NUP88: variants seen among roughly 807,000 people sequenced by gnomAD.
NUP88 encodes the protein nuclear pore complex protein Nup88.
In NUP88, 57 loss-of-function variants were observed where a neutral mutation model predicts 93.9. The ratio of observed to expected loss-of-function variants is 0.61; its 90% CI spans 0.49 to 0.76. The LOEUF is 0.76. Ranked by LOEUF, NUP88 falls within the 30% of genes least tolerant of loss-of-function variation. NUP88 has a pLI of 0.00. For missense variants in NUP88, 911 were observed against 901.0 expected (o/e 1.01, Z -0.14); for synonymous variants, 346 against 336.8 (o/e 1.03, Z -0.30).
rs1597310115 is a variant in NUP88 at position 5,386,200 on chromosome 17, G to A, written c.*6C>T. On this transcript the variant is annotated 3_prime_UTR_variant, in exon 17 of 17. Coordinates refer to ENST00000573584, the MANE Select transcript of NUP88 (RefSeq NM_002532.6). ...CAGTTCAGGTGTGAGTCAGCTCCTG[G>A]TGGTGTCAGAAGTTTACATGATTGC... The A allele has an allele frequency of 1.2e-6, 2 of 1,611,032 alleles. No individual in the cohort carries two copies. Among genetic ancestry groups the A allele is most frequent in the African/African-American group, 2.7e-5 (2 of 74,958 alleles).
intron 6 of NUP88, among the ~76,000 whole-genome samples, chr17:5,404,486 T>C (rs1358007421): frequency 1.3e-5 from 2 of 151,980 alleles, no homozygotes; most frequent in Non-Finnish European, 2.9e-5. Flanking sequence ...TGGTGGTGGG[T>C]GCCTGTAATC....
chr17:5,400,140 T>TAAAAAAAAAAAA (rs1280995996), intron 7 of NUP88, among the ~76,000 whole-genome samples: 5 of 120,668 alleles, frequency 4.1e-5, no homozygotes, highest in South Asian at 2.8e-4. Context: ...TTTCATTTGT[T>TAAAAAAAAAAAA]AAAAAAAAAA....
chr17:5,384,922 A>T lies in NUP88; in HGVS notation c.*1284T>A, dbSNP rs932514624. The stretch of plus-strand genomic sequence containing the variant: ...TAGTCCCTTGGATAAGCCCCAAGCG[A>T]ATTTGTCTTCAGATTATTAAAATTA... On this transcript the variant is annotated 3_prime_UTR_variant, in exon 17 of 17. Transcript: ENST00000573584. The T allele has an allele frequency of 1.8e-5, 4 of 224,998 alleles. No homozygotes were observed. The highest frequency in any genetic ancestry group is 2.2e-5 in the African/African-American group (1 of 44,942). 13.9% of individuals were successfully genotyped at this position (224,998 alleles called of 1,614,324 possible).
chr17:5,401,974 A>C (rs1913196669), intron 7 of NUP88, among the ~76,000 whole-genome samples: 3 of 152,224 alleles, frequency 2.0e-5, no homozygotes, highest in African/African-American at 7.2e-5. Context: ...ATTAGGAACA[A>C]GTCAAAAATT....
chr17:5,408,674 GA>G (rs910185903), intron 5 of NUP88, 58 bp downstream of exon 5: 1 of 1,299,268 alleles, frequency 7.7e-7, no homozygotes, highest in African/African-American at 1.5e-5. Context: ...CAGCCTCAAT[GA>G]TATCTACTGG....
At chr17:5,416,809 A>C in intron 1 of NUP88, 127 bp from the exon 2 acceptor site, 2 of 713,508 alleles carry the variant, frequency 2.8e-6, no homozygotes, top group Non-Finnish European at 2.2e-6. Flanking sequence ...ATAAGTACTC[A>C]CACTTGTACC....
chr17:5,389,428 G>A (rs1385820535), intron 10 of NUP88, among the ~76,000 whole-genome samples: 1 of 152,178 alleles, frequency 6.6e-6, no homozygotes, highest in Non-Finnish European at 1.5e-5. Flanking sequence ...GAGCTTAAAA[G>A]ATCTCACAGA....
chr17:5,388,590 G>A, intron 11 of NUP88: 2 of 472,252 alleles, frequency 4.2e-6, no homozygotes, highest in Middle Eastern at 5.9e-4. Flanking sequence ...GCCCGGCCTA[G>A]CCTAACTTCT....
chr17:5,396,453 A>G (rs776191484), intron 8 of NUP88, among the ~76,000 whole-genome samples: 11 of 152,224 alleles, frequency 7.2e-5, no homozygotes, highest in Non-Finnish European at 1.3e-4. Context: ...ATATTGGAGC[A>G]TGTATCAGTA....
chr17:5,387,902 G>A lies in NUP88; in HGVS notation c.1646C>T (p.Ala549Val), dbSNP rs760426774. ...RSVANPAFLK[A>V]SEKDIAPPPE... The stretch of plus-strand genomic sequence containing the variant: ...AGGAGGGGCTATGTCCTTTTCAGAA[G>A]CTCTTAAAAACAAAGTTTCTACCTT... Residue 549 changes from alanine (A) to valine (V), a missense_variant and splice_region_variant, in exon 12 of 17, where the codon GCT becomes GTT. Physicochemically the swap from Ala to Val is moderately conservative, Grantham distance 64 (BLOSUM62 0). Transcript: ENST00000573584. The A allele has an allele frequency of 3.7e-6, 6 of 1,612,078 alleles. No homozygotes were observed. The South Asian group carries it at 5.5e-5, about 15-fold the overall frequency.
At chr17:5,398,324 C>G (rs1056786382) in intron 8 of NUP88, among the ~76,000 whole-genome samples, 2 of 152,186 alleles carry the variant, frequency 1.3e-5, no homozygotes, top group African/African-American at 2.4e-5. Context: ...GAGTCTTGCT[C>G]TGTCACCCAG....
In NUP88 at chr17:5,414,018, T is replaced by C. The variant is rs757774752; in HGVS notation, c.584A>G (p.Asn195Ser). The C allele has an allele frequency of 4.3e-6, 7 of 1,613,552 alleles. No individual in the cohort carries two copies. The highest frequency in any genetic ancestry group is 3.3e-5 in the South Asian group (3 of 91,068). The change falls in exon 3 of 17, where the codon AAC (asparagine) becomes AGC (serine). Residue 195 changes from asparagine (N) to serine (S), a missense_variant. Asn to Ser is a conservative substitution (Grantham distance 46). Transcript: ENST00000573584. The part of the protein sequence containing the change: ...DPHVVLLTSD[N>S]VIRIYSLREP... ...GAGAAATAAAATTTACCTGATTACG[T>C]TGTCTGATGTTAACAGCACTACGTG...
At chr17:5,415,327 A>C (rs1027449570) in intron 2 of NUP88, among the ~76,000 whole-genome samples, 1 of 152,134 alleles carries the variant, frequency 6.6e-6, no homozygotes, top group South Asian at 2.1e-4. Flanking sequence ...GCTCCAAATT[A>C]TAGCATATTT....
At position 5,405,231 on chromosome 17, in the gene NUP88, A is replaced by G; in HGVS notation, c.870T>C (p.Ile290=). Reference sequence around the variant, plus strand: ...TGGGCAATGGACCCAACAGCTTTCCAATATTTCCAGGGCTAAAGAAGGAGT... The same window carrying G: ...TGGGCAATGGACCCAACAGCTTTCCGATATTTCCAGGGCTAAAGAAGGAGT... The part of the protein sequence containing the change: ...YISLLHSPGN[I]GKLLGPLPMH... Residue 290 remains isoleucine (I), a synonymous_variant, in exon 6 of 17, where the codon ATT becomes ATC. Coordinates refer to ENST00000573584, the MANE Select transcript of NUP88 (RefSeq NM_002532.6). 1 of 1,613,412 alleles carries G rather than the reference A, an allele frequency of 6.2e-7. No homozygotes were observed. The highest frequency in any genetic ancestry group is 8.5e-7 in the Non-Finnish European group (1 of 1,179,678).
intron 10 of NUP88, 66 bp downstream of exon 10, chr17:5,391,495 C>T (rs1310542640): frequency 2.3e-6 from 3 of 1,329,324 alleles, no homozygotes; most frequent in African/African-American, 2.9e-5. Flanking sequence ...TTACTGAGTG[C>T]ATTTTCCCAA....
At chr17:5,405,654 G>C (rs749690061) in intron 5 of NUP88, among the ~76,000 whole-genome samples, 1 of 152,154 alleles carries the variant, frequency 6.6e-6, no homozygotes, top group Non-Finnish European at 1.5e-5. Context: ...TATGGTTTAT[G>C]CTTTCACCAC....
intron 10 of NUP88, among the ~76,000 whole-genome samples, chr17:5,390,706 GT>G (rs58404385): frequency 0.46 from 68,696 of 148,848 alleles, 16,367 homozygotes; most frequent in East Asian, 0.84. Flanking sequence ...CAGCTTTTTT[GT>G]TTTTTTTTTT....
At chr17:5,395,138 G>T (rs114441146) in intron 8 of NUP88, among the ~76,000 whole-genome samples, 157 bp from the exon 9 acceptor site, 68 of 152,252 alleles carry the variant, frequency 4.5e-4, no homozygotes, top group African/African-American at 1.6e-3. Flanking sequence ...TTTCCCAGGG[G>T]GTCTAGATTT....
intron 1 of NUP88, among the ~76,000 whole-genome samples, chr17:5,417,553 CAG>C (rs1169234542): frequency 6.6e-6 from 1 of 152,156 alleles, no homozygotes; most frequent in African/African-American, 2.4e-5. Context: ...GAAAAGAAGA[CAG>C]AGGCAGAGTG....
Sources: gnomAD v4.1 joint callset for allele counts (sites outside exome capture counted in the v4.1 genomes callset) on GRCh38, gnomAD v4.1.1 for gene constraint, MANE v1.5 for transcripts, NCBI Gene and HGNC (gene_info 2026-07-23, HGNC 2026-07-21) for gene names.